The following SH3BP4 variants were observed in gnomAD, a reference collection of about 807,000 sequenced individuals.
SH3BP4 encodes the protein SH3 domain-binding protein 4.
SH3BP4 carries 33 observed loss-of-function variants against 65.5 expected under a neutral mutation model. That is an observed-to-expected ratio of 0.50 (90% CI 0.38 to 0.67). The LOEUF is 0.67. Among genes scored for constraint, SH3BP4 ranks in the 30% least tolerant of loss-of-function variants. The probability of loss-of-function intolerance (pLI) is 0.00; values close to 1 mark genes in which losing one functional copy is unlikely to be tolerated. For missense variants in SH3BP4, 1,134 were observed against 1,261.4 expected, an observed-to-expected ratio of 0.90 and a Z score of 1.53; for synonymous variants, 552 against 545.5, an observed-to-expected ratio of 1.01 and a Z score of -0.17.
chr2:234,952,533 G>A lies in SH3BP4; in HGVS notation c.-207+363G>A, dbSNP rs921022217. Among the ~76,000 whole-genome samples, 1 of 151,722 alleles carries A rather than the reference G, an allele frequency of 6.6e-6. No individual in the cohort carries two copies. Among genetic ancestry groups the A allele is most frequent in the Non-Finnish European group, 1.5e-5 (1 of 67,850 alleles). On this transcript the variant is annotated intron_variant, in intron 1 of 5. Transcript: ENST00000392011. This position sits in a 1 kb window ranked among gnomAD's most constrained non-coding sequence, Gnocchi z 6.5. ...CGGCCCTGCGGGGTGGCCTCCCTGG[G>A]CAACCGGACGCGTCCTCGGGCGCAA...
chr2:234,957,011 C>T (rs1254411727), intron 1 of SH3BP4, among the ~76,000 whole-genome samples: 2 of 152,020 alleles, frequency 1.3e-5, no homozygotes, highest in African/African-American at 2.4e-5. Context: ...TAAATATTCC[C>T]ACCATGGCTA....
intron 1 of SH3BP4, among the ~76,000 whole-genome samples, chr2:234,972,570 A>G (rs1168001063): frequency 6.6e-6 from 1 of 152,072 alleles, no homozygotes; most frequent in Non-Finnish European, 1.5e-5. Context: ...ACAAAAAAAT[A>G]CAAAAAATTA....
chr2:234,970,056 C>T (rs986056187), intron 1 of SH3BP4, among the ~76,000 whole-genome samples: 18 of 142,712 alleles, frequency 1.3e-4, no homozygotes, highest in African/African-American at 3.0e-4. Context: ...CTCACACACA[C>T]TCATACACAC....
At chr2:235,019,896 A>AAAT (rs1694802134) in intron 2 of SH3BP4, among the ~76,000 whole-genome samples, 1 of 147,730 alleles carries the variant, frequency 6.8e-6, no homozygotes, top group African/African-American at 2.5e-5. Flanking sequence ...AAAAAAAAAA[A>AAAT]TCTTTAAAAG....
In SH3BP4 at chr2:235,042,931, TG is replaced by T; in HGVS notation, c.2164del (p.Val722SerfsTer14). On this transcript the variant is annotated frameshift_variant, in exon 4 of 6. Transcript: ENST00000392011. LOFTEE classifies it high-confidence loss of function. This position sits in a 1 kb window ranked among gnomAD's most constrained non-coding sequence, Gnocchi z 7.3. ...CTCGTGCACACCAAGAACGTGCTGG[TG>T]GTCGGCAGGGCCCGGCCCAGCCTGT... ...VGLVHTKNVL[V>X]VGRARPSLCS... The T allele has an allele frequency of 6.2e-7, 1 of 1,613,030 alleles. No individual in the cohort carries two copies. Among genetic ancestry groups the T allele is most frequent in the Non-Finnish European group, 8.5e-7 (1 of 1,179,848 alleles).
chr2:235,025,192 G>A (rs1694960278), intron 2 of SH3BP4, among the ~76,000 whole-genome samples: 1 of 152,164 alleles, frequency 6.6e-6, no homozygotes, highest in Admixed American at 6.5e-5. Flanking sequence ...ATGAGCACTT[G>A]ACAGGTACAC....
At position 235,055,363 on chromosome 2, in the gene SH3BP4, A is replaced by G. The variant is rs1415611305; in HGVS notation, c.*1547A>G. On this transcript the variant is annotated 3_prime_UTR_variant, in exon 6 of 6. Transcript: ENST00000392011. ...TTATTCAGATACTGAAGACCAACGGACTGAAAAAAAGAACAAACATTAGCT... is the reference window on the plus strand; with the variant it reads ...TTATTCAGATACTGAAGACCAACGGGCTGAAAAAAAGAACAAACATTAGCT... 1.3e-5 allele frequency: 2 copies of G among 152,622 alleles called. No homozygotes were observed. The highest frequency in any genetic ancestry group is 2.9e-5 in the Non-Finnish European group (2 of 68,040). The allele number at this position is 152,622 out of a possible 1,614,324, so 9.5% of individuals were successfully genotyped here. A position where few individuals can be genotyped will look rare whatever the true frequency, so the allele number is the denominator to read the frequency against.
At chr2:234,961,874 T>A (rs1393841129) in intron 1 of SH3BP4, among the ~76,000 whole-genome samples, 1 of 110,078 alleles carries the variant, frequency 9.1e-6, no homozygotes, top group African/African-American at 3.6e-5. Context: ...GGAGGTGGGG[T>A]GGTGGGGGTG....
In SH3BP4 at chr2:235,013,225, C is replaced by T. The variant is rs115289513; in HGVS notation, c.-133+17849C>T. Among the ~76,000 whole-genome samples, 603 of 152,294 alleles carry T rather than the reference C, an allele frequency of 4.0e-3. 2 individuals are homozygous for T. The highest frequency in any genetic ancestry group is 0.014 in the African/African-American group (567 of 41,554). ...AGGAGGTCTTCAGGCCTCCGCTGTC[C>T]GAGTGGCTTTCTCCCTGGCCTGTGT... On this transcript the variant is annotated intron_variant, in intron 2 of 5. Coordinates refer to ENST00000392011, the MANE Select transcript of SH3BP4 (RefSeq NM_014521.3).
At position 234,974,585 on chromosome 2, in the gene SH3BP4, T is replaced by G. The variant is rs79695241; in HGVS notation, c.-206-20718T>G. Among the ~76,000 whole-genome samples, 23,543 of 152,210 alleles carry G rather than the reference T, an allele frequency of 0.15. 2,378 individuals carry two copies. The highest frequency in any genetic ancestry group is 0.23 in the Non-Finnish European group (15,361 of 67,986). On this transcript the variant is annotated intron_variant, in intron 1 of 5. Transcript: ENST00000392011. The surrounding 1 kb of genome is among the most constrained non-coding windows in gnomAD (Gnocchi z 4.6). ...AGCTTCTGTGTTTAGCCCTTCAGTT[T>G]CTTGCCTTAGTGTTAGGCTGGCGCG...
At chr2:234,973,780 C>T (rs958924491) in intron 1 of SH3BP4, among the ~76,000 whole-genome samples, 6 of 151,680 alleles carry the variant, frequency 4.0e-5, no homozygotes, top group African/African-American at 7.3e-5. Context: ...GGCCCACAGG[C>T]GTGTGCTACC....
At chr2:234,958,879 C>T (rs865949916) in intron 1 of SH3BP4, among the ~76,000 whole-genome samples, 11 of 151,854 alleles carry the variant, frequency 7.2e-5, no homozygotes, top group Non-Finnish European at 1.0e-4. Flanking sequence ...GAAATTGGAC[C>T]GTATTTGATG....
chr2:235,048,309 C>A (rs1220837932), intron 4 of SH3BP4, among the ~76,000 whole-genome samples: 2 of 152,124 alleles, frequency 1.3e-5, no homozygotes, highest in Non-Finnish European at 2.9e-5. Flanking sequence ...AATTGTATTT[C>A]TTTGTACTTT....
At position 234,991,574 on chromosome 2, in the gene SH3BP4, C is replaced by T; in HGVS notation, c.-206-3729C>T. ...ACTTTCTGCTAATTCCATCCACCCACGCTAAACCGTGTGGTTTTCTTGGGG... is the reference window on the plus strand; with the variant it reads ...ACTTTCTGCTAATTCCATCCACCCATGCTAAACCGTGTGGTTTTCTTGGGG... On this transcript the variant is annotated intron_variant, in intron 1 of 5. Coordinates refer to ENST00000392011, the MANE Select transcript of SH3BP4 (RefSeq NM_014521.3). This position sits in a 1 kb window ranked among gnomAD's most constrained non-coding sequence, Gnocchi z 4.2. 6.6e-6 allele frequency among the ~76,000 whole-genome samples: 1 copy of T among 152,212 alleles called. No individual in the cohort carries two copies. The highest frequency in any genetic ancestry group is 1.5e-5 in the Non-Finnish European group (1 of 68,038).
At chr2:235,050,186 G>A (rs1420898054) in intron 4 of SH3BP4, among the ~76,000 whole-genome samples, 1 of 151,934 alleles carries the variant, frequency 6.6e-6, no homozygotes, top group Non-Finnish European at 1.5e-5. Flanking sequence ...CGCGATCTCA[G>A]CTCACTACAA....
At chr2:235,032,178 C>G (rs1419318923) in intron 2 of SH3BP4, among the ~76,000 whole-genome samples, 4 of 152,202 alleles carry the variant, frequency 2.6e-5, no homozygotes, top group Non-Finnish European at 4.4e-5. Context: ...CTCGGAGTAG[C>G]TCTGGACTGG....
intron 1 of SH3BP4, among the ~76,000 whole-genome samples, chr2:234,987,872 G>A (rs1238588026): frequency 1.3e-5 from 2 of 152,168 alleles, no homozygotes; most frequent in African/African-American, 2.4e-5. Flanking sequence ...TCTGTTGGGT[G>A]CAGGTCTTTT....
intron 2 of SH3BP4, among the ~76,000 whole-genome samples, chr2:235,019,361 G>A (rs1389957092): frequency 6.6e-6 from 1 of 152,076 alleles, no homozygotes; most frequent in African/African-American, 2.4e-5. Context: ...CTGGATTGGG[G>A]GCAGAAGAAA....
intron 1 of SH3BP4, among the ~76,000 whole-genome samples, chr2:234,969,076 G>A (rs1692911262): frequency 6.6e-6 from 1 of 152,204 alleles, no homozygotes; most frequent in Non-Finnish European, 1.5e-5. Context: ...AGAAAGGAGA[G>A]CATTCAAGCT....
Sources: allele counts gnomAD v4.1 joint callset (sites outside exome capture counted in the v4.1 genomes callset), GRCh38; gene constraint gnomAD v4.1.1; non-coding constraint Gnocchi (gnomAD v3.1); transcripts MANE v1.5; gene names NCBI Gene and HGNC (gene_info 2026-07-23, HGNC 2026-07-21).